MALSU1: variants seen among roughly 807,000 people sequenced by gnomAD.
MALSU1 encodes mitochondrial assembly of ribosomal large subunit 1.
In MALSU1, 22 loss-of-function variants were observed where a neutral mutation model predicts 22.1. The observed-to-expected ratio is 1.00, with a 90% CI of 0.71 to 1.42. MALSU1 has a LOEUF of 1.42. MALSU1 is among the 40% of genes most tolerant of loss of function. MALSU1 has a pLI of 0.00. For missense variants in MALSU1, 379 were observed against 308.3 expected, an observed-to-expected ratio of 1.23 and a Z score of -1.72; for synonymous variants, 153 against 118.5, an observed-to-expected ratio of 1.29 and a Z score of -1.89.
In MALSU1 at chr7:23,300,839, A is replaced by G. The variant is rs1783632943; in HGVS notation, c.257A>G (p.Asp86Gly). 6.2e-7 allele frequency: 1 copy of G among 1,613,080 alleles called. No individual in the cohort carries two copies. The highest frequency in any genetic ancestry group is 8.5e-7 in the Non-Finnish European group (1 of 1,179,452). ...NEGRPESDAA[D>G]HTGPKFDIDM... ...ACAAACAACTATTTGTGCATTTCAGATCATACTGGTCCCAAGTTTGACATC... is the reference window on the plus strand; with the variant it reads ...ACAAACAACTATTTGTGCATTTCAGGTCATACTGGTCCCAAGTTTGACATC... The change falls in exon 2 of 4, where the codon GAT becomes GGT. Residue 86 changes from aspartate to glycine, a missense_variant and splice_region_variant. Physicochemically the swap from Asp to Gly is moderately conservative, Grantham distance 94 (BLOSUM62 -1). Transcript: ENST00000466681.
intron 2 of MALSU1, among the ~76,000 whole-genome samples, chr7:23,307,306 G>C (rs1783734600): frequency 6.6e-6 from 1 of 152,016 alleles, no homozygotes; most frequent in Admixed American, 6.6e-5. Context: ...CATTTCCTTT[G>C]ATTTTGGGGT....
In MALSU1 at chr7:23,303,212, C is replaced by T. The variant is rs1040360612; in HGVS notation, c.435+2195C>T. ...AACAATAACTCCCCATTTCTCCTTC[C>T]GTAGGCAGCTACCATTCTACTGCCT... On this transcript the variant is annotated intron_variant, in intron 2 of 3. Coordinates refer to ENST00000466681, the MANE Select transcript of MALSU1 (RefSeq NM_138446.2). 3.9e-5 allele frequency among the ~76,000 whole-genome samples: 6 copies of T among 152,202 alleles called. No individual in the cohort carries two copies. The South Asian group carries it at 6.2e-4, about 16-fold the overall frequency.
intron 2 of MALSU1, among the ~76,000 whole-genome samples, chr7:23,305,985 G>T (rs1320599527): frequency 6.6e-6 from 1 of 152,044 alleles, no homozygotes. Flanking sequence ...ACCTGAGATC[G>T]GGAGTTCAAG....
rs1783793356 is a variant in MALSU1 at position 23,310,281 on chromosome 7, A to G, written c.*738A>G. 6.6e-6 allele frequency: 1 copy of G among 152,238 alleles called. No individual in the cohort carries two copies. Among genetic ancestry groups the G allele is most frequent in the South Asian group, 2.1e-4 (1 of 4,830 alleles). The allele number at this position is 152,238 out of a possible 1,614,324, so 9.4% of individuals were successfully genotyped here. A position where few individuals can be genotyped will look rare whatever the true frequency, so the allele number is the denominator to read the frequency against. ...AATGAAGCTGCATTTGGGGCACATT[A>G]TACATGAGGAATGATCCATATATGG... On this transcript the variant is annotated 3_prime_UTR_variant, in exon 4 of 4. Transcript: ENST00000466681.
intron 2 of MALSU1, among the ~76,000 whole-genome samples, chr7:23,304,101 A>G (rs1268506503): frequency 3.4e-5 from 5 of 148,768 alleles, no homozygotes; most frequent in African/African-American, 1.0e-4. Context: ...AGCGAAACTC[A>G]GTCTCAAAAA....
intron 1 of MALSU1, among the ~76,000 whole-genome samples, chr7:23,299,835 C>G (rs889024018): frequency 6.6e-6 from 1 of 152,130 alleles, no homozygotes; most frequent in Non-Finnish European, 1.5e-5. Context: ...GCCTCCCGGA[C>G]GGCCATCTCC....
Position 23,303,713 on chromosome 7 carries a change from G to C in MALSU1, c.435+2696G>C, listed in dbSNP as rs184994776. ...TAGTCCCAGCTACTTGGAATGCTGA[G>C]GTGGAGGATTGCTTGAGCCCAGGAG... On this transcript the variant is annotated intron_variant, in intron 2 of 3. Coordinates refer to ENST00000466681, the MANE Select transcript of MALSU1 (RefSeq NM_138446.2). Among the ~76,000 whole-genome samples, 3 of 151,954 alleles carry C rather than the reference G, an allele frequency of 2.0e-5. No homozygotes were observed. In the East Asian group the frequency reaches 5.8e-4, roughly 29 times the overall value.
In MALSU1 at chr7:23,307,940, G is replaced by C. The variant is rs781667851; in HGVS notation, c.508G>C (p.Val170Leu). 8 of 1,612,098 alleles carry C rather than the reference G, an allele frequency of 5.0e-6. No individual in the cohort carries two copies. In the Admixed American group the frequency reaches 6.7e-5, roughly 13 times the overall value. The change falls in exon 3 of 4, where the codon GTG (valine) becomes CTG (leucine). Residue 170 changes from valine (V) to leucine (L), a missense_variant. Transcript: ENST00000466681. ...EGKDTDDWLC[V>L]DFGSMVIHLM... ...GAAGGACACTGATGACTGGCTGTGC[G>C]TGGATTTTGGTAAGTTATTCTGGCG...
chr7:23,302,972 T>G (rs1783668660), intron 2 of MALSU1, among the ~76,000 whole-genome samples: 1 of 152,134 alleles, frequency 6.6e-6, no homozygotes, highest in Admixed American at 6.5e-5. Context: ...AGATGGGGTT[T>G]CACCATGTTG....
At chr7:23,299,863 T>A (rs755448732) in intron 1 of MALSU1, among the ~76,000 whole-genome samples, 1 of 152,078 alleles carries the variant, frequency 6.6e-6, no homozygotes, top group East Asian at 1.9e-4. Context: ...GGCATCACAG[T>A]CTCACCGTCC....
chr7:23,300,794 A>T (rs200000056), intron 1 of MALSU1, 45 bp from the exon 2 acceptor site: 1 of 1,548,296 alleles, frequency 6.5e-7, no homozygotes, highest in African/African-American at 1.4e-5. Flanking sequence ...ATACACGTCT[A>T]TCTGCTTGGC....
intron 3 of MALSU1, 73 bp downstream of exon 3, chr7:23,308,022 A>G: frequency 1.8e-6 from 2 of 1,106,964 alleles, no homozygotes; most frequent in Non-Finnish European, 2.8e-6. Flanking sequence ...CAGTTGCAAA[A>G]GGATTGAGAT....
chr7:23,303,813 GA>G (rs57849044), intron 2 of MALSU1, among the ~76,000 whole-genome samples: 63,301 of 111,762 alleles, frequency 0.57, 14,833 homozygotes, highest in East Asian at 0.78. Flanking sequence ...TGTCTCAAAA[GA>G]AAAAAAAAAA....
intron 3 of MALSU1, among the ~76,000 whole-genome samples, chr7:23,308,418 C>G (rs980335413): frequency 6.6e-6 from 1 of 152,164 alleles, no homozygotes; most frequent in Non-Finnish European, 1.5e-5. Context: ...TACATAGTTT[C>G]AAAGCACCTC....
intron 3 of MALSU1, 66 bp from the exon 4 acceptor site, chr7:23,309,290 G>A (rs1324087008): frequency 7.1e-7 from 1 of 1,401,550 alleles, no homozygotes; most frequent in East Asian, 2.3e-5. Context: ...GCCAGTGTGT[G>A]TTGTAAGGTA....
intron 1 of MALSU1, among the ~76,000 whole-genome samples, chr7:23,299,855 C>T (rs908163071): frequency 3.3e-5 from 5 of 152,156 alleles, no homozygotes; most frequent in Admixed American, 6.5e-5. Context: ...CCACCCTTGG[C>T]ATCACAGTCT....
intron 2 of MALSU1, among the ~76,000 whole-genome samples, chr7:23,307,134 AGTT>A (rs1211678332): frequency 6.6e-6 from 1 of 152,200 alleles, no homozygotes; most frequent in East Asian, 1.9e-4. Context: ...TAGGTTACCC[AGTT>A]GTTTGGTGTA....
rs762906748 is a variant in MALSU1, at chr7:23,300,976, A to T, written c.394A>T (p.Thr132Ser). The T allele has an allele frequency of 1.2e-6, 2 of 1,613,988 alleles. No individual in the cohort carries two copies. Among genetic ancestry groups the T allele is most frequent in the South Asian group, 2.2e-5 (2 of 91,068 alleles). ...DYFVIVSGTS[T>S]RHLHAMAFYV... ...CTTTGTGATTGTTAGTGGAACTTCT[A>T]CCCGACACTTACATGCCATGGCCTT... Residue 132 changes from threonine (T) to serine (S), a missense_variant, in exon 2 of 4, where the codon ACC (threonine) becomes TCC (serine). Coordinates refer to ENST00000466681, the MANE Select transcript of MALSU1 (RefSeq NM_138446.2).
At chr7:23,308,085 CAA>C in intron 3 of MALSU1, 136 bp downstream of exon 3, 3 of 745,232 alleles carry the variant, frequency 4.0e-6, no homozygotes, top group Non-Finnish European at 6.8e-6. Context: ...TTTAAGGTAA[CAA>C]AAGTTTTTTT....
Sources: gnomAD v4.1 joint callset for allele counts (sites outside exome capture counted in the v4.1 genomes callset) on GRCh38, gnomAD v4.1.1 for gene constraint, MANE v1.5 for transcripts, NCBI Gene and HGNC (gene_info 2026-07-23, HGNC 2026-07-21) for gene names.